The following STK10 variants were observed in gnomAD, a reference collection of about 807,000 sequenced individuals.
The protein encoded by STK10 is serine/threonine kinase 10.
In STK10, 78 loss-of-function variants were observed where a neutral mutation model predicts 113.8. The ratio of observed to expected loss-of-function variants is 0.69; its 90% CI spans 0.57 to 0.83. The LOEUF is 0.83. STK10 is among the 40% of genes least tolerant of loss of function. The pLI is 0.00. For synonymous variants in STK10, 465 were observed against 494.7 expected (o/e 0.94, Z 0.80); for missense variants, 1,109 against 1,280.1 (o/e 0.87, Z 2.04).
chr5:172,083,168 T>C lies in STK10; in HGVS notation c.1686-84A>G, dbSNP rs118190481. The C allele has an allele frequency of 1.7e-4, 273 of 1,587,660 alleles. 3 individuals carry two copies. In the East Asian group the frequency reaches 6.1e-3, roughly 35 times the overall value. On this transcript the variant is annotated intron_variant, in intron 10 of 18. Transcript: ENST00000176763. Reference sequence around the variant, plus strand: ...TATTTGCAACTTGGAACACTGAAGGTTGGATCATGGAGCAAAATCACACAA... The same window carrying C: ...TATTTGCAACTTGGAACACTGAAGGCTGGATCATGGAGCAAAATCACACAA...
Position 172,093,259 on chromosome 5 carries a change from T to C in STK10, c.1554+153A>G, listed in dbSNP as rs924738498. The stretch of plus-strand genomic sequence containing the variant: ...CTAAATCCCATATTGAACCCAGATA[T>C]TTTGGAGATTAAACTATGAGTCAAA... On this transcript the variant is annotated intron_variant, in intron 9 of 18. Transcript: ENST00000176763. The surrounding 1 kb of genome is among the most constrained non-coding windows in gnomAD (Gnocchi z 4.1). 6.6e-6 allele frequency among the ~76,000 whole-genome samples: 1 copy of C among 152,242 alleles called. No individual in the cohort carries two copies. The highest frequency in any genetic ancestry group is 2.4e-5 in the African/African-American group (1 of 41,464).
At chr5:172,162,654 G>T (rs1770494424) in intron 1 of STK10, among the ~76,000 whole-genome samples, 1 of 152,206 alleles carries the variant, frequency 6.6e-6, no homozygotes, top group Non-Finnish European at 1.5e-5. Context: ...TGAGAGGAAG[G>T]TTGAAGGCTT....
At chr5:172,130,328 C>T (rs924620085) in intron 2 of STK10, among the ~76,000 whole-genome samples, 20 of 152,066 alleles carry the variant, frequency 1.3e-4, no homozygotes, top group African/African-American at 3.4e-4. Flanking sequence ...GTCAGGAGTT[C>T]GAGACCAGCC....
Position 172,093,590 on chromosome 5 carries a change from G to A in STK10, c.1376C>T (p.Thr459Ile). ...QSRPNSSALETLGGEKLANGS... is the reference protein window; with the variant it reads ...QSRPNSSALEILGGEKLANGS... ...ATTGGCCAGCTTCTCCCCACCCAAG[G>A]TCTCCAGGGCGCTGCTGTTGGGCCG... is the stretch of plus-strand genomic sequence containing the variant. Residue 459 changes from threonine (T) to isoleucine (I), a missense_variant, in exon 9 of 19, where the codon ACC becomes ATC. Coordinates refer to ENST00000176763, the MANE Select transcript of STK10 (RefSeq NM_005990.4). This position sits in a 1 kb window ranked among gnomAD's most constrained non-coding sequence, Gnocchi z 4.1. 1 of 1,614,240 alleles carries A rather than the reference G, an allele frequency of 6.2e-7. No individual in the cohort carries two copies. Among genetic ancestry groups the A allele is most frequent in the Non-Finnish European group, 8.5e-7 (1 of 1,180,034 alleles).
At chr5:172,132,302 TA>T (rs1769772422) in intron 2 of STK10, among the ~76,000 whole-genome samples, 1 of 152,150 alleles carries the variant, frequency 6.6e-6, no homozygotes, top group African/African-American at 2.4e-5. Context: ...TATCAAATTG[TA>T]TATTAGAAAT....
intron 10 of STK10, among the ~76,000 whole-genome samples, chr5:172,089,008 A>G (rs537200877): frequency 6.6e-6 from 1 of 152,258 alleles, no homozygotes; most frequent in African/African-American, 2.4e-5. Context: ...AAATCTGACC[A>G]TGTTTTTCCC....
intron 12 of STK10, among the ~76,000 whole-genome samples, chr5:172,078,947 CCA>C (rs57963957): frequency 0.047 from 6,702 of 143,842 alleles, 156 homozygotes; most frequent in African/African-American, 0.073. Context: ...TCTTATAAGT[CCA>C]CACACACACA....
rs532368431 is a variant in STK10, at chr5:172,163,106, C to T, written c.157-6318G>A. On this transcript the variant is annotated intron_variant, in intron 1 of 18. Transcript: ENST00000176763. Reference sequence around the variant, plus strand: ...GCAGCAATCCATCACCTTGAGGCCACAGGAGATGTAATACGGCTGATGATA... The same window carrying T: ...GCAGCAATCCATCACCTTGAGGCCATAGGAGATGTAATACGGCTGATGATA... Among the ~76,000 whole-genome samples, 16 of 152,342 alleles carry T rather than the reference C, an allele frequency of 1.1e-4. No homozygotes were observed. The East Asian group carries it at 3.1e-3, about 29-fold the overall frequency.
At chr5:172,153,325 A>AGAGAG (rs1770283325) in intron 2 of STK10, among the ~76,000 whole-genome samples, 1 of 141,992 alleles carries the variant, frequency 7.0e-6, no homozygotes, top group South Asian at 2.3e-4. Flanking sequence ...AGAAAGAAAG[A>AGAGAG]AATGTAAAAT....
intron 2 of STK10, among the ~76,000 whole-genome samples, chr5:172,152,009 G>A (rs1404538486): frequency 6.6e-6 from 1 of 152,196 alleles, no homozygotes; most frequent in Non-Finnish European, 1.5e-5. Flanking sequence ...TGGTCTTTTG[G>A]CTCTCAGCTA....
intron 4 of STK10, among the ~76,000 whole-genome samples, chr5:172,115,760 A>G (rs574690805): frequency 6.6e-6 from 1 of 152,334 alleles, no homozygotes; most frequent in South Asian, 2.1e-4. Context: ...CTGCAAGATG[A>G]TATCAGTGGC....
At chr5:172,066,561 T>C (rs759549323) in intron 12 of STK10, among the ~76,000 whole-genome samples, 11 of 151,618 alleles carry the variant, frequency 7.3e-5, no homozygotes, top group Non-Finnish European at 1.6e-4. Flanking sequence ...CCGAGAAAGG[T>C]GGATCACTTG....
chr5:172,064,804 G>T lies in STK10; in HGVS notation c.1998C>A (p.Asn666Lys), dbSNP rs1157842740. ...GCTGTCGGGGGAGCTTCTCCACCTC[G>T]TTCTTCACCTGCAGCAGAGACAGCA... ...QLKLMKKEVK[N>K]EVEKLPRQQR... The change falls in exon 13 of 19, where the codon AAC (asparagine) becomes AAA (lysine). Residue 666 changes from asparagine (N) to lysine (K), a missense_variant. Physicochemically the swap from Asn to Lys is moderately conservative, Grantham distance 94. Transcript: ENST00000176763. 7 of 1,614,064 alleles carry T rather than the reference G, an allele frequency of 4.3e-6. No individual in the cohort carries two copies. Among genetic ancestry groups the T allele is most frequent in the Non-Finnish European group, 5.1e-6 (6 of 1,180,018 alleles).
intron 1 of STK10, among the ~76,000 whole-genome samples, chr5:172,162,386 G>T (rs1770489675): frequency 6.6e-6 from 1 of 151,974 alleles, no homozygotes; most frequent in Non-Finnish European, 1.5e-5. Context: ...TGTTTAGAAT[G>T]CCTTAGCCAC....
intron 1 of STK10, among the ~76,000 whole-genome samples, chr5:172,160,822 T>A (rs1770455169): frequency 6.6e-6 from 1 of 152,134 alleles, no homozygotes; most frequent in Non-Finnish European, 1.5e-5. Flanking sequence ...AGAGGGGAAA[T>A]GTGATTGGAA....
In STK10 at chr5:172,073,461, A is replaced by AT. The variant is rs199894007; in HGVS notation, c.1990-8650dup. On this transcript the variant is annotated intron_variant, in intron 12 of 18. Transcript: ENST00000176763. ...GTCACCGCACCCAACCTAATTTTTA[A>AT]TTTTTTTTTTGTTTGTTTTAGAGAC... Among the ~76,000 whole-genome samples, 887 of 147,228 alleles carry AT rather than the reference A, an allele frequency of 6.0e-3. 28 individuals are homozygous for AT. The East Asian group carries it at 0.1, about 17-fold the overall frequency.
intron 4 of STK10, among the ~76,000 whole-genome samples, chr5:172,112,456 T>G (rs2113771864): frequency 7.0e-6 from 1 of 142,794 alleles, no homozygotes; most frequent in South Asian, 2.2e-4. Context: ...GAGTCTCGCA[T>G]GTCACCCAGG....
At chr5:172,054,511 T>A (rs1389450208) in intron 17 of STK10, 58 bp downstream of exon 17, 11 of 1,583,212 alleles carry the variant, frequency 6.9e-6, no homozygotes, top group Non-Finnish European at 8.5e-7. Context: ...TGAGATCTGA[T>A]GGCCTTGGGG....
rs764722721 is a variant in STK10, at chr5:172,042,666, T to C, written c.*2216A>G. On this transcript the variant is annotated 3_prime_UTR_variant, in exon 19 of 19. Transcript: ENST00000176763. ...CTGCAGTTACACTGCCGCTAGTTCA[T>C]GTTTCCCCAGCACCAATGCACCAAA... 5.3e-5 allele frequency: 8 copies of C among 152,380 alleles called. 1 individual carries two copies. In the South Asian group the frequency reaches 1.0e-3, roughly 20 times the overall value. The allele number at this position is 152,380 out of a possible 1,614,324, so 9.4% of individuals were successfully genotyped here.
Sources: allele counts gnomAD v4.1 joint callset (sites outside exome capture counted in the v4.1 genomes callset), GRCh38; gene constraint gnomAD v4.1.1; non-coding constraint Gnocchi (gnomAD v3.1); transcripts MANE v1.5; gene names NCBI Gene and HGNC (gene_info 2026-07-23, HGNC 2026-07-21).